The following MYCBP2 variants were observed in gnomAD, a reference collection of about 807,000 sequenced individuals.
MYCBP2 encodes MYC binding protein 2, also known as E3 ubiquitin-protein ligase MYCBP2.
Under a neutral mutation model 525.3 loss-of-function variants are expected in MYCBP2, and 120 were observed. That is an observed-to-expected ratio of 0.23 (90% CI 0.20 to 0.27). MYCBP2 has a LOEUF of 0.27. Ranked by LOEUF, MYCBP2 falls within the 10% of genes least tolerant of loss-of-function variation. The pLI, the probability that MYCBP2 is intolerant of heterozygous loss-of-function variation, is 1.00. For missense variants in MYCBP2, 4,149 were observed against 5,657.1 expected (o/e 0.73, Z 8.55); for synonymous variants, 1,894 against 1,955.8 (o/e 0.97, Z 0.83).
chr13:77,145,195 C>T (rs1414197242), intron 48 of MYCBP2, among the ~76,000 whole-genome samples: 5 of 152,138 alleles, frequency 3.3e-5, no homozygotes, highest in Admixed American at 1.3e-4. Context: ...CTTACAACTG[C>T]TGATGTCAAA....
At chr13:77,079,041 C>T (rs373406775) in intron 65 of MYCBP2, 152 bp from the exon 66 acceptor site, 11 of 608,546 alleles carry the variant, frequency 1.8e-5, no homozygotes, top group East Asian at 8.3e-5. Context: ...CAACTAACCA[C>T]GGTTCCTATA....
intron 44 of MYCBP2, among the ~76,000 whole-genome samples, chr13:77,161,253 T>A (rs2057883190): frequency 1.3e-5 from 2 of 152,224 alleles, no homozygotes; most frequent in Non-Finnish European, 2.9e-5. Context: ...AATGTAGTCA[T>A]CTCTAGGCAA....
intron 19 of MYCBP2, 136 bp downstream of exon 19, chr13:77,225,299 G>T: frequency 9.4e-7 from 1 of 1,068,782 alleles, no homozygotes; most frequent in Non-Finnish European, 1.3e-6. Context: ...AAATACAAAG[G>T]TCTTACAGAT....
intron 36 of MYCBP2, 22 bp from the exon 37 acceptor site, chr13:77,174,511 C>T (rs1330102894): frequency 5.0e-6 from 8 of 1,597,952 alleles, no homozygotes; most frequent in Non-Finnish European, 6.9e-6. Context: ...AGATGTAAAA[C>T]ATCTTTTATT....
intron 21 of MYCBP2, among the ~76,000 whole-genome samples, chr13:77,214,601 A>T (rs1291125135): frequency 6.6e-6 from 1 of 152,228 alleles, no homozygotes; most frequent in Non-Finnish European, 1.5e-5. Flanking sequence ...GTACAGTCAC[A>T]TGTCACTTAA....
At chr13:77,190,438 C>G in intron 28 of MYCBP2, 103 bp from the exon 29 acceptor site, 1 of 699,440 alleles carries the variant, frequency 1.4e-6, no homozygotes, top group Non-Finnish European at 2.4e-6. Flanking sequence ...AAATGATTCA[C>G]TCTTTTACAT....
chr13:77,293,604 A>G lies in MYCBP2; in HGVS notation c.378+2995T>C, dbSNP rs1368074043. On this transcript the variant is annotated intron_variant, in intron 2 of 82. Coordinates refer to ENST00000544440, the MANE Select transcript of MYCBP2 (RefSeq NM_015057.5). ...ATATGTGATTAAACTAAGGATTTTG[A>G]AATGCACAGATTATCTGGATGGGCC... 2.0e-5 allele frequency among the ~76,000 whole-genome samples: 3 copies of G among 152,238 alleles called. No individual in the cohort carries two copies. The East Asian group carries it at 5.8e-4, about 29-fold the overall frequency.
chr13:77,213,380 C>A (rs1369793590), intron 21 of MYCBP2, among the ~76,000 whole-genome samples: 1 of 151,906 alleles, frequency 6.6e-6, no homozygotes, highest in Non-Finnish European at 1.5e-5. Context: ...GAGGCTGAGG[C>A]ATAAGAATTG....
At position 77,144,916 on chromosome 13, in the gene MYCBP2, C is replaced by T. The variant is rs73239499; in HGVS notation, c.7188-356G>A. ...TCCTGGATCTGATCCAAAGCTAGTCCCTCCCCTTGTGCTGTGAATCTTATT... is the reference window on the plus strand; with the variant it reads ...TCCTGGATCTGATCCAAAGCTAGTCTCTCCCCTTGTGCTGTGAATCTTATT... On this transcript the variant is annotated intron_variant, in intron 48 of 82. Transcript: ENST00000544440. Among the ~76,000 whole-genome samples the T allele has an allele frequency of 9.9e-3, 1,511 of 152,242 alleles. 14 individuals are homozygous for T. Among genetic ancestry groups the T allele is most frequent in the Middle Eastern group, 0.017 (5 of 294 alleles).
In MYCBP2 at chr13:77,174,863, C is replaced by T. The variant is rs1203292780; in HGVS notation, c.5473-374G>A. ...CTGAACACAACCAATGTAACTAGTG[C>T]CTGCTCTTAATTTTACTGCTAGAAT... is the stretch of plus-strand genomic sequence containing the variant. On this transcript the variant is annotated intron_variant, in intron 36 of 82. Coordinates refer to ENST00000544440, the MANE Select transcript of MYCBP2 (RefSeq NM_015057.5). Among the ~76,000 whole-genome samples the T allele has an allele frequency of 9.5e-5, 4 of 41,950 alleles. No individual in the cohort carries two copies. The South Asian group carries it at 2.9e-3, about 31-fold the overall frequency. 27.5% of individuals were successfully genotyped at this position (41,950 alleles called of 152,430 possible). A position where few individuals can be genotyped will look rare whatever the true frequency, so the allele number is the denominator to read the frequency against.
intron 11 of MYCBP2, among the ~76,000 whole-genome samples, 156 bp from the exon 12 acceptor site, chr13:77,261,531 C>T (rs1415956268): frequency 6.6e-6 from 1 of 151,906 alleles, no homozygotes; most frequent in African/African-American, 2.4e-5. Flanking sequence ...GGGAGTTGAG[C>T]AAGAAATACA....
intron 1 of MYCBP2, among the ~76,000 whole-genome samples, chr13:77,310,811 A>G (rs1431680909): frequency 6.6e-6 from 1 of 151,836 alleles, no homozygotes; most frequent in East Asian, 1.9e-4. Flanking sequence ...CACCATATTT[A>G]GGTACAATAC....
At chr13:77,277,277 T>A (rs2075733260) in intron 4 of MYCBP2, among the ~76,000 whole-genome samples, 1 of 152,182 alleles carries the variant, frequency 6.6e-6, no homozygotes, top group African/African-American at 2.4e-5. Flanking sequence ...AAATCTTCAG[T>A]AAAATGCTGT....
At chr13:77,082,061 A>G (rs1273414503) in intron 63 of MYCBP2, 68 bp from the exon 64 acceptor site, 14 of 1,404,490 alleles carry the variant, frequency 1.0e-5, no homozygotes, top group Non-Finnish European at 1.4e-5. Flanking sequence ...GAACTCTTAG[A>G]TGAGTACTCT....
Position 77,191,697 on chromosome 13 carries a change from G to C in MYCBP2, c.4052C>G (p.Ser1351Cys), listed in dbSNP as rs1053596593. 7 of 1,613,814 alleles carry C rather than the reference G, an allele frequency of 4.3e-6. No homozygotes were observed. The highest frequency in any genetic ancestry group is 5.9e-6 in the Non-Finnish European group (7 of 1,179,932). The change falls in exon 28 of 83, where the codon TCT (serine) becomes TGT (cysteine). Residue 1351 changes from serine to cysteine, a missense_variant. By Grantham distance (112) the Ser-to-Cys change is moderately radical. Transcript: ENST00000544440. The part of the protein sequence containing the change: ...SSDCGSHGQA[S>C]ITTDDGVVFQ... ...TACTTACCCATCATCTGTGGTAATA[G>C]ATGCCTGTCCATGAGATCCACAGTC...
chr13:77,175,169 T>A (rs2059576841), intron 36 of MYCBP2, among the ~76,000 whole-genome samples: 1 of 150,774 alleles, frequency 6.6e-6, no homozygotes, highest in Non-Finnish European at 1.5e-5. Context: ...CAAGCTCAAG[T>A]GATCCTCCCT....
intron 58 of MYCBP2, among the ~76,000 whole-genome samples, chr13:77,094,203 A>T (rs1357225921): frequency 2.6e-5 from 4 of 152,202 alleles, no homozygotes; most frequent in Non-Finnish European, 5.9e-5. Flanking sequence ...GTTGGTCGGC[A>T]AGCCATGTCA....
intron 60 of MYCBP2, among the ~76,000 whole-genome samples, chr13:77,089,743 T>G (rs1309414847): frequency 6.6e-6 from 1 of 151,970 alleles, no homozygotes; most frequent in East Asian, 1.9e-4. Flanking sequence ...TTATCAAGCT[T>G]CAGTTGGGGT....
rs2054229962 is a variant in MYCBP2 at position 77,139,342 on chromosome 13, G to C, written c.7519-6C>G. The C allele has an allele frequency of 2.5e-6, 4 of 1,608,414 alleles. No individual in the cohort carries two copies. Among genetic ancestry groups the C allele is most frequent in the Non-Finnish European group, 3.4e-6 (4 of 1,176,970 alleles). On this transcript the variant is annotated splice_region_variant and splice_polypyrimidine_tract_variant and intron_variant, in intron 51 of 82. Transcript: ENST00000544440. ...ACACCATCATCATTATGGATCTATA[G>C]AAAAAAGCAACAGAAACAAGCCAGG...
Sources: gnomAD v4.1 joint callset for allele counts (sites outside exome capture counted in the v4.1 genomes callset) on GRCh38, gnomAD v4.1.1 for gene constraint, MANE v1.5 for transcripts, NCBI Gene and HGNC (gene_info 2026-07-23, HGNC 2026-07-21) for gene names.